TNRC18: variants seen among roughly 807,000 people sequenced by gnomAD.
TNRC18 encodes the protein trinucleotide repeat containing 18, also known as trinucleotide repeat-containing gene 18 protein.
In TNRC18, 69 loss-of-function variants were observed where a neutral mutation model predicts 226.7. That is an observed-to-expected ratio of 0.30 (90% CI 0.25 to 0.37). The LOEUF (loss-of-function observed/expected upper bound fraction) is 0.37, where lower values mean the gene tolerates loss of function less well. Ranked by LOEUF, TNRC18 falls within the 10% of genes least tolerant of loss-of-function variation. The probability of loss-of-function intolerance (pLI) is 1.00; values close to 1 mark genes in which losing one functional copy is unlikely to be tolerated. For synonymous variants in TNRC18, 2,449 were observed against 1,927.6 expected, an observed-to-expected ratio of 1.27 and a Z score of -7.09; for missense variants, 4,754 against 4,256.6, an observed-to-expected ratio of 1.12 and a Z score of -3.25.
At chr7:5,342,475 A>T (rs1790784909) in intron 18 of TNRC18, among the ~76,000 whole-genome samples, 1 of 151,864 alleles carries the variant, frequency 6.6e-6, no homozygotes. Context: ...ACCCTCGCGG[A>T]CAACTATGAA....
intron 2 of TNRC18, among the ~76,000 whole-genome samples, chr7:5,396,258 G>A (rs1172607163): frequency 3.3e-5 from 5 of 151,782 alleles, no homozygotes; most frequent in Non-Finnish European, 7.4e-5. Flanking sequence ...TGAGGCAGGA[G>A]AATCACTTGA....
At chr7:5,311,223 T>G (rs1469121950) in intron 27 of TNRC18, among the ~76,000 whole-genome samples, 1 of 152,078 alleles carries the variant, frequency 6.6e-6, no homozygotes, top group African/African-American at 2.4e-5. Flanking sequence ...TGCCCATGCT[T>G]TTGAGTGCAC....
At chr7:5,345,517 G>GGGGGGGGCCCCC in intron 18 of TNRC18, 45 bp downstream of exon 18, 4 of 377,744 alleles carry the variant, frequency 1.1e-5, no homozygotes, top group Non-Finnish European at 1.9e-5. Context: ...AATGGCGTCC[G>GGGGGGGGCCCCC]CCCCTCCCAC....
At position 5,336,869 on chromosome 7, in the gene TNRC18, G is replaced by A. The variant is rs532494630; in HGVS notation, c.5720-3820C>T. ...AGCGAGTGAGTTTATGAGTTTGGGT[G>A]TGGGGGAACCAGCCTCAGAGACCTG... is the stretch of plus-strand genomic sequence containing the variant. On this transcript the variant is annotated intron_variant, in intron 18 of 29. Coordinates refer to ENST00000430969, the MANE Select transcript of TNRC18 (RefSeq NM_001080495.3). Among the ~76,000 whole-genome samples, 14 of 152,368 alleles carry A rather than the reference G, an allele frequency of 9.2e-5. 1 individual carries two copies. The highest frequency in any genetic ancestry group is 9.2e-4 in the Admixed American group (14 of 15,300).
chr7:5,412,425 A>T (rs1781902447), intron 2 of TNRC18, among the ~76,000 whole-genome samples: 1 of 151,912 alleles, frequency 6.6e-6, no homozygotes. Context: ...AAAATACAAA[A>T]TTTAGCCGGG....
In TNRC18 at chr7:5,316,092, TCAGGGGAGGCC is replaced by T. The variant is rs1256217705; in HGVS notation, c.6746-31_6746-21del. On this transcript the variant is annotated intron_variant, in intron 24 of 29. Coordinates refer to ENST00000430969, the MANE Select transcript of TNRC18 (RefSeq NM_001080495.3). ...GTAACCCTGTGGGAAGAGGGGAGGC[TCAGGGGAGGCC>T]CTCGGACCTCCAGCTCCCTAGTGAC... 10 of 1,598,082 alleles carry T rather than the reference TCAGGGGAGGCC, an allele frequency of 6.3e-6. No individual in the cohort carries two copies. The highest frequency in any genetic ancestry group is 8.6e-6 in the Non-Finnish European group (10 of 1,169,172).
intron 19 of TNRC18, among the ~76,000 whole-genome samples, chr7:5,329,176 G>A (rs1334884626): frequency 6.6e-6 from 1 of 151,684 alleles, no homozygotes; most frequent in Non-Finnish European, 1.5e-5. Context: ...GGTGGTGAGC[G>A]CCTGTGATCC....
In TNRC18 at chr7:5,421,270, GCC is replaced by G; in HGVS notation, c.-26_-25del. The G allele has an allele frequency of 7.8e-7, 1 of 1,277,114 alleles. No individual in the cohort carries two copies. Among genetic ancestry groups the G allele is most frequent in the Non-Finnish European group, 9.9e-7 (1 of 1,009,366 alleles). The allele number at this position is 1,277,114 out of a possible 1,614,324, so 79.1% of individuals were successfully genotyped here. A position where few individuals can be genotyped will look rare whatever the true frequency, so the allele number is the denominator to read the frequency against. On this transcript the variant is annotated 5_prime_UTR_variant, in exon 2 of 30. Coordinates refer to ENST00000430969, the MANE Select transcript of TNRC18 (RefSeq NM_001080495.3). ...ATCCTCCGCGGGAGTGCCGCGATCA[GCC>G]CCCCACCCGGCCCGCAGGCCTAGCT...
chr7:5,360,145 T>C (rs1043179060), intron 14 of TNRC18, among the ~76,000 whole-genome samples: 1 of 152,224 alleles, frequency 6.6e-6, no homozygotes, highest in African/African-American at 2.4e-5. Flanking sequence ...ACTCACTGTG[T>C]GTCTTGCACT....
chr7:5,401,555 TA>T (rs1781092684), intron 2 of TNRC18, among the ~76,000 whole-genome samples: 1 of 152,180 alleles, frequency 6.6e-6, no homozygotes. Flanking sequence ...GTTAGTTCCT[TA>T]TTGTCTCTGC....
intron 16 of TNRC18, 149 bp from the exon 17 acceptor site, chr7:5,352,243 G>GC: frequency 4.9e-6 from 4 of 808,200 alleles, no homozygotes. Context: ...CAAAGGCCTT[G>GC]CCCCATGTCA....
At position 5,308,198 on chromosome 7, in the gene TNRC18, G is replaced by A; in HGVS notation, c.8815C>T (p.Gln2939Ter). 1 of 1,608,622 alleles carries A rather than the reference G, an allele frequency of 6.2e-7. No homozygotes were observed. Among genetic ancestry groups the A allele is most frequent in the Non-Finnish European group, 8.5e-7 (1 of 1,178,154 alleles). The change falls in exon 30 of 30, where the codon CAG becomes TAG. Residue 2939 changes from glutamine (Q) to a stop codon, truncating the protein, a stop_gained. Coordinates refer to ENST00000430969, the MANE Select transcript of TNRC18 (RefSeq NM_001080495.3). LOFTEE classifies it high-confidence loss of function. ...YEQMLKTKKY[Q>*]DSEGLYYLAG... ...AGGTAGTACAGGCCCTCGCTGTCCT[G>A]GTACTTCTTGGTCTTCAGCATCTGC...
In TNRC18 at chr7:5,345,630, G is replaced by T; in HGVS notation, c.5651C>A (p.Ser1884Tyr). ...SALPSPTVGPSLSVVQLEAKQ... is the reference protein window; with the variant it reads ...SALPSPTVGPYLSVVQLEAKQ... ...GGCCTCCAGCTGTACCACAGACAGG[G>T]ATGGACCCACCGTGGGGCTGGGGAG... Residue 1884 changes from serine (S) to tyrosine (Y), a missense_variant, in exon 18 of 30, where the codon TCC (serine) becomes TAC (tyrosine). Ser to Tyr is a moderately radical substitution (Grantham distance 144). Transcript: ENST00000430969. 1 of 1,558,804 alleles carries T rather than the reference G, an allele frequency of 6.4e-7. No homozygotes were observed. Among genetic ancestry groups the T allele is most frequent in the South Asian group, 1.2e-5 (1 of 84,444 alleles).
intron 2 of TNRC18, among the ~76,000 whole-genome samples, chr7:5,411,734 G>T (rs964832605): frequency 1.3e-5 from 2 of 152,058 alleles, no homozygotes; most frequent in East Asian, 3.9e-4. Flanking sequence ...ACAGGAGAGA[G>T]GCAAAGGGAG....
At chr7:5,373,935 A>G in intron 10 of TNRC18, 120 bp downstream of exon 10, 1 of 767,858 alleles carries the variant, frequency 1.3e-6, no homozygotes, top group South Asian at 2.4e-5. Context: ...CCTGGGACGC[A>G]GGAGGTGCTC....
At chr7:5,389,417 A>C (rs1487205476) in intron 4 of TNRC18, 81 bp from the exon 5 acceptor site, 1 of 1,162,716 alleles carries the variant, frequency 8.6e-7, no homozygotes, top group Non-Finnish European at 1.1e-6. Context: ...GACCCCTGAG[A>C]GGGGGATGGA....
At chr7:5,354,128 G>A (rs1441302340) in intron 16 of TNRC18, among the ~76,000 whole-genome samples, 3 of 151,968 alleles carry the variant, frequency 2.0e-5, no homozygotes, top group African/African-American at 4.8e-5. Flanking sequence ...ACTTGAACCC[G>A]GGAGGCGGAG....
intron 11 of TNRC18, among the ~76,000 whole-genome samples, chr7:5,369,015 G>A (rs377461182): frequency 6.6e-6 from 1 of 152,102 alleles, no homozygotes; most frequent in African/African-American, 2.4e-5. Context: ...AATGATCAGC[G>A]CAGCCCATGT....
rs1197880937 is a variant in TNRC18, at chr7:5,420,075, C to T, written c.187+985G>A. On this transcript the variant is annotated intron_variant, in intron 2 of 29. Transcript: ENST00000430969. ...GGGACCAGGTGTCCTGGGGCGGCCG[C>T]CGGGCAGGTCTGGAGGTCCCCGAGT... The T allele has an allele frequency of 6.8e-5, 16 of 234,192 alleles. No individual in the cohort carries two copies. The Admixed American group carries it at 8.5e-4, about 12-fold the overall frequency. The allele number at this position is 234,192 out of a possible 1,614,324, so 14.5% of individuals were successfully genotyped here. A position where few individuals can be genotyped will look rare whatever the true frequency, so the allele number is the denominator to read the frequency against.
Sources: gnomAD v4.1 joint callset for allele counts (sites outside exome capture counted in the v4.1 genomes callset) on GRCh38, gnomAD v4.1.1 for gene constraint, MANE v1.5 for transcripts, NCBI Gene and HGNC (gene_info 2026-07-23, HGNC 2026-07-21) for gene names.